The following RAD52 variants were observed in gnomAD, a reference collection of about 807,000 sequenced individuals.
The protein encoded by RAD52 is RAD52 DNA repair protein.
A neutral mutation model predicts 55.5 loss-of-function variants in RAD52; 47 were observed. The ratio of observed to expected loss-of-function variants is 0.85; its 90% CI spans 0.67 to 1.08. The LOEUF (loss-of-function observed/expected upper bound fraction) is 1.08. Among genes scored for constraint, RAD52 ranks in the 50% least tolerant of loss-of-function variants. The probability of loss-of-function intolerance (pLI) is 0.00; values close to 1 mark genes in which losing one functional copy is unlikely to be tolerated. For missense variants in RAD52, 468 were observed against 522.8 expected, an observed-to-expected ratio of 0.90 and a Z score of 1.02; for synonymous variants, 184 against 198.9, an observed-to-expected ratio of 0.92 and a Z score of 0.63.
intron 1 of RAD52, among the ~76,000 whole-genome samples, chr12:961,395 C>T (rs568577569): frequency 6.6e-6 from 1 of 151,436 alleles, no homozygotes; most frequent in Admixed American, 6.6e-5. Context: ...TATGTTCCTC[C>T]CAAATTCATG....
At chr12:930,327 T>G (rs777094962) in intron 3 of RAD52, among the ~76,000 whole-genome samples, 183 bp from the exon 4 acceptor site, 7 of 150,422 alleles carry the variant, frequency 4.7e-5, no homozygotes, top group Non-Finnish European at 8.9e-5. Context: ...TGCAGTAAGC[T>G]AGGATCGTGC....
chr12:972,765 CAA>C (rs780150903), intron 1 of RAD52, among the ~76,000 whole-genome samples: 6 of 38,428 alleles, frequency 1.6e-4, no homozygotes, highest in East Asian at 8.3e-4. Context: ...GACTCCGTCT[CAA>C]AAAAAAAAAA....
chr12:964,739 A>G (rs1233950873), intron 1 of RAD52, among the ~76,000 whole-genome samples: 1 of 151,908 alleles, frequency 6.6e-6, no homozygotes, highest in Non-Finnish European at 1.5e-5. Flanking sequence ...CACTACGCCC[A>G]GCTAATTTTT....
upstream of RAD52, among the ~76,000 whole-genome samples, chr12:951,785 T>A (rs1958532700): frequency 6.6e-6 from 1 of 152,160 alleles, no homozygotes; most frequent in Non-Finnish European, 1.5e-5. Flanking sequence ...TTTCTTATGA[T>A]TTTAACCTTT....
chr12:974,327 T>C (rs181019828), intron 1 of RAD52: 2 of 152,152 alleles, frequency 1.3e-5, no homozygotes, highest in Non-Finnish European at 2.9e-5. Context: ...AAGACAGTCA[T>C]GAAAAACAAG....
chr12:987,657 C>T (rs1289156676), intron 1 of RAD52, among the ~76,000 whole-genome samples: 1 of 151,418 alleles, frequency 6.6e-6, no homozygotes, highest in African/African-American at 2.4e-5. Flanking sequence ...GCCTCCTGGG[C>T]TTAAGCTATC....
chr12:913,142 C>T lies in RAD52; in HGVS notation c.*249G>A. The stretch of plus-strand genomic sequence containing the variant: ...TTCAGTAATAAATAGTGGGAAGCCT[C>T]ACAAGCCGAAGAAAAGGTATTCATC... On this transcript the variant is annotated 3_prime_UTR_variant, in exon 12 of 12. Coordinates refer to ENST00000358495, the MANE Select transcript of RAD52 (RefSeq NM_134424.4). 2.4e-6 allele frequency: 1 copy of T among 418,240 alleles called. No homozygotes were observed. Among genetic ancestry groups the T allele is most frequent in the Non-Finnish European group, 4.2e-6 (1 of 237,222 alleles). 25.9% of individuals were successfully genotyped at this position (418,240 alleles called of 1,614,324 possible). A position where few individuals can be genotyped will look rare whatever the true frequency, so the allele number is the denominator to read the frequency against.
upstream of RAD52, among the ~76,000 whole-genome samples, chr12:950,571 C>CAAAAA (rs763764449): frequency 4.1e-4 from 54 of 132,030 alleles, 3 homozygotes; most frequent in African/African-American, 1.4e-3. Flanking sequence ...GGCTCCGTCT[C>CAAAAA]AAAAAAAAAA....
At chr12:958,230 T>C (rs1441389158) in intron 1 of RAD52, among the ~76,000 whole-genome samples, 1 of 151,872 alleles carries the variant, frequency 6.6e-6, no homozygotes, top group Non-Finnish European at 1.5e-5. Flanking sequence ...TATTTTATTT[T>C]TTGAGACAGG....
chr12:916,967 G>T (rs779184675), intron 7 of RAD52, 147 bp from the exon 8 acceptor site: 11 of 1,110,212 alleles, frequency 9.9e-6, no homozygotes, highest in Non-Finnish European at 1.1e-5. Flanking sequence ...CCATGAGCAG[G>T]AGGAGCCAAA....
At chr12:916,940 T>G in intron 7 of RAD52, 120 bp from the exon 8 acceptor site, 1 of 1,355,672 alleles carries the variant, frequency 7.4e-7, no homozygotes, top group Non-Finnish European at 9.9e-7. Flanking sequence ...CCATCACGCC[T>G]TCTAGGTCCT....
At chr12:913,598 C>G in intron 11 of RAD52, 146 bp from the exon 12 acceptor site, 1 of 771,102 alleles carries the variant, frequency 1.3e-6, no homozygotes, top group Non-Finnish European at 2.1e-6. Flanking sequence ...GATGATTCTC[C>G]TAGACCAAGT....
At chr12:959,018 T>C (rs12812346) in intron 1 of RAD52, among the ~76,000 whole-genome samples, 22,237 of 152,174 alleles carry the variant, frequency 0.15, 1,738 homozygotes, top group Non-Finnish European at 0.18. Context: ...ATCCAGGCGC[T>C]GTCACTCCGC....
intron 7 of RAD52, among the ~76,000 whole-genome samples, chr12:920,639 A>G (rs1956676011): frequency 1.3e-5 from 2 of 152,216 alleles, no homozygotes; most frequent in African/African-American, 2.4e-5. Flanking sequence ...CAGAGGTCCT[A>G]AATATATGAA....
At chr12:940,564 G>A (rs984327566) in intron 1 of RAD52, among the ~76,000 whole-genome samples, 2 of 152,050 alleles carry the variant, frequency 1.3e-5, no homozygotes, top group Admixed American at 1.3e-4. Flanking sequence ...AGTGAGCCAA[G>A]ATTGCGCCAC....
chr12:972,183 T>A (rs1304480675), intron 1 of RAD52, among the ~76,000 whole-genome samples: 1 of 152,086 alleles, frequency 6.6e-6, no homozygotes, highest in Non-Finnish European at 1.5e-5. Context: ...TTCCAAGCAC[T>A]AGGGGTGAAA....
intron 9 of RAD52, 150 bp downstream of exon 9, chr12:916,194 G>A (rs1956361023): frequency 1.4e-6 from 2 of 1,411,992 alleles, no homozygotes; most frequent in Non-Finnish European, 1.8e-6. Flanking sequence ...GAATTTCCTG[G>A]GCTCATCTCT....
chr12:972,802 G>A lies in RAD52; in HGVS notation c.-19+17007C>T, dbSNP rs1184077917. 2.0e-5 allele frequency among the ~76,000 whole-genome samples: 3 copies of A among 150,242 alleles called. No homozygotes were observed. In the East Asian group the frequency reaches 5.9e-4, roughly 29 times the overall value. ...AAAAAAAAAAAAGGGCCGCTCTTGA[G>A]GTGGGGGCACACCTGGCATGGTTGG... On this transcript the variant is annotated intron_variant, in intron 1 of 11. Coordinates refer to the RAD52 transcript ENST00000430095.
chr12:929,738 AGC>A, intron 5 of RAD52, 79 bp downstream of exon 5: 1 of 1,364,262 alleles, frequency 7.3e-7, no homozygotes, highest in Non-Finnish European at 1.1e-6. Context: ...GTCCCCGTCC[AGC>A]TACCTACTTC....
Sources: gnomAD v4.1 joint callset for allele counts (sites outside exome capture counted in the v4.1 genomes callset) on GRCh38, gnomAD v4.1.1 for gene constraint, MANE v1.5 for transcripts, NCBI Gene and HGNC (gene_info 2026-07-23, HGNC 2026-07-21) for gene names.